The following MYT1L variants were observed in gnomAD, a reference collection of about 807,000 sequenced individuals.
MYT1L encodes the protein myelin transcription factor 1 like.
MYT1L carries 12 observed loss-of-function variants against 126.7 expected under a neutral mutation model. That is an observed-to-expected ratio of 0.09 (90% CI 0.06 to 0.15). The LOEUF (loss-of-function observed/expected upper bound fraction) is 0.15, where lower values mean the gene tolerates loss of function less well. MYT1L is among the 10% of genes least tolerant of loss of function. MYT1L has a pLI of 1.00. For missense variants in MYT1L, 979 were observed against 1,585.2 expected (o/e 0.62, Z 6.49); for synonymous variants, 541 against 604.2 (o/e 0.90, Z 1.53).
intron 13 of MYT1L, among the ~76,000 whole-genome samples, chr2:1,909,804 C>A (rs1210640832): frequency 2.0e-5 from 3 of 152,216 alleles, no homozygotes; most frequent in Non-Finnish European, 4.4e-5. Context: ...AGAGCTTCCA[C>A]ACGTGTGCAC....
At chr2:1,853,837 A>C (rs1215558736) in intron 18 of MYT1L, among the ~76,000 whole-genome samples, 1 of 152,092 alleles carries the variant, frequency 6.6e-6, no homozygotes, top group Non-Finnish European at 1.5e-5. Flanking sequence ...GTGAGATATT[A>C]TAGCCAAATA....
At chr2:2,102,997 A>G (rs777362393) in intron 3 of MYT1L, among the ~76,000 whole-genome samples, 10 of 152,112 alleles carry the variant, frequency 6.6e-5, no homozygotes, top group Non-Finnish European at 1.2e-4. Flanking sequence ...GGGAAGTAGG[A>G]GACACAGCAT....
chr2:1,985,017 A>G lies in MYT1L; in HGVS notation c.1-5240T>C, dbSNP rs1345368325. ...ACAGGGACCTGCTCTCCCCTCCCCG[A>G]CAGAGTCCTCTTGCAGGAACAGGAC... On this transcript the variant is annotated intron_variant, in intron 5 of 24. Coordinates refer to ENST00000647738, the MANE Select transcript of MYT1L (RefSeq NM_001303052.2). 3.3e-5 allele frequency among the ~76,000 whole-genome samples: 5 copies of G among 152,074 alleles called. 1 individual carries two copies. Among genetic ancestry groups the G allele is most frequent in the South Asian group, 2.1e-4 (1 of 4,828 alleles).
chr2:2,120,227 C>T (rs1427585919), intron 3 of MYT1L, among the ~76,000 whole-genome samples: 1 of 152,128 alleles, frequency 6.6e-6, no homozygotes, highest in African/African-American at 2.4e-5. Context: ...CGTCTACATT[C>T]ACAGCCCTGG....
At chr2:2,308,086 C>G (rs1364508568) in intron 1 of MYT1L, among the ~76,000 whole-genome samples, 1 of 151,908 alleles carries the variant, frequency 6.6e-6, no homozygotes, top group South Asian at 2.1e-4. Flanking sequence ...TCTGTACACT[C>G]TACCTATACT....
intron 13 of MYT1L, among the ~76,000 whole-genome samples, chr2:1,904,235 C>A (rs1409392560): frequency 6.6e-6 from 1 of 152,142 alleles, no homozygotes. Context: ...ATGCAGGGTC[C>A]CACAGTGCAC....
At chr2:2,115,231 C>G (rs73911393) in intron 3 of MYT1L, among the ~76,000 whole-genome samples, 1,663 of 152,312 alleles carry the variant, frequency 0.011, 30 homozygotes, top group African/African-American at 0.034. Flanking sequence ...GTGTTCATTT[C>G]GAATGCTATC....
intron 11 of MYT1L, among the ~76,000 whole-genome samples, chr2:1,914,401 C>T (rs754718721): frequency 6.6e-6 from 1 of 152,232 alleles, no homozygotes; most frequent in East Asian, 1.9e-4. Context: ...TGTTTCTGTG[C>T]GTCATCTTAC....
chr2:2,090,069 C>T (rs185727719), intron 3 of MYT1L, among the ~76,000 whole-genome samples: 1 of 152,288 alleles, frequency 6.6e-6, no homozygotes, highest in East Asian at 1.9e-4. Flanking sequence ...ACACAGTCTG[C>T]TGCCATTATT....
intron 3 of MYT1L, among the ~76,000 whole-genome samples, chr2:2,083,966 G>T (rs1035685961): frequency 6.6e-6 from 1 of 151,524 alleles, no homozygotes; most frequent in Non-Finnish European, 1.5e-5. Flanking sequence ...TTCTTAGAGG[G>T]AGGGAGACCA....
intron 8 of MYT1L, among the ~76,000 whole-genome samples, chr2:1,972,620 G>C (rs1217290664): frequency 6.6e-6 from 1 of 152,208 alleles, no homozygotes; most frequent in African/African-American, 2.4e-5. Context: ...ACAGCCCCTA[G>C]GCTGTTGGCA....
intron 2 of MYT1L, among the ~76,000 whole-genome samples, chr2:2,230,391 G>GAAT (rs2094132388): frequency 2.0e-5 from 3 of 152,204 alleles, no homozygotes; most frequent in African/African-American, 7.2e-5. Context: ...TCATTAGGAT[G>GAAT]TATGCTAAGT....
At chr2:1,946,437 C>G (rs573665690) in intron 8 of MYT1L, among the ~76,000 whole-genome samples, 3 of 152,044 alleles carry the variant, frequency 2.0e-5, no homozygotes, top group Non-Finnish European at 4.4e-5. Flanking sequence ...GGATGGGGAC[C>G]GCTGCCCAGG....
In MYT1L at chr2:2,088,003, C is replaced by T. The variant is rs73911343; in HGVS notation, c.-303-33880G>A. On this transcript the variant is annotated intron_variant, in intron 3 of 24. Transcript: ENST00000647738. ...AGCATGTTTCTCCCTCTGTAACACA[C>T]GAGTGTAAATCTCTAACTTGCAGGA... is the stretch of plus-strand genomic sequence containing the variant. Among the ~76,000 whole-genome samples the T allele has an allele frequency of 8.4e-3, 1,281 of 152,276 alleles. 20 individuals carry two copies. The highest frequency in any genetic ancestry group is 0.026 in the African/African-American group (1,067 of 41,554).
At chr2:1,792,819 G>T (rs1208260854) in intron 23 of MYT1L, among the ~76,000 whole-genome samples, 3 of 126,060 alleles carry the variant, frequency 2.4e-5, no homozygotes, top group Non-Finnish European at 3.1e-5. Context: ...GCAGTGAGCT[G>T]AGATCACACC....
chr2:1,971,761 A>C (rs1229175073), intron 8 of MYT1L, among the ~76,000 whole-genome samples: 1 of 152,118 alleles, frequency 6.6e-6, no homozygotes, highest in Non-Finnish European at 1.5e-5. Context: ...AGAAAAAACA[A>C]AAGAGGAGGC....
chr2:2,245,344 T>A (rs1260381428), intron 2 of MYT1L, among the ~76,000 whole-genome samples: 1 of 151,574 alleles, frequency 6.6e-6, no homozygotes, highest in Non-Finnish European at 1.5e-5. Flanking sequence ...AGGTAGACCA[T>A]CCCGAGCTCT....
intron 3 of MYT1L, among the ~76,000 whole-genome samples, chr2:2,062,395 A>G (rs1227505755): frequency 1.3e-5 from 2 of 152,108 alleles, no homozygotes; most frequent in Non-Finnish European, 2.9e-5. Flanking sequence ...AGTCTCAGGG[A>G]GCCGTCCGTG....
intron 2 of MYT1L, among the ~76,000 whole-genome samples, chr2:2,240,007 T>C (rs1324835764): frequency 1.3e-5 from 2 of 152,134 alleles, no homozygotes; most frequent in Non-Finnish European, 2.9e-5. Context: ...TTTTATCAAA[T>C]AAAAGGTAGG....
Sources: gnomAD v4.1 joint callset for allele counts (sites outside exome capture counted in the v4.1 genomes callset) on GRCh38, gnomAD v4.1.1 for gene constraint, MANE v1.5 for transcripts, NCBI Gene and HGNC (gene_info 2026-07-23, HGNC 2026-07-21) for gene names.